Variants in CAPN1 observed in about 807,000 individuals in gnomAD.
CAPN1 encodes calpain 1, also known as calpain-1 catalytic subunit.
Under a neutral mutation model 105.2 loss-of-function variants are expected in CAPN1, and 77 were observed. The ratio of observed to expected loss-of-function variants is 0.73; its 90% CI spans 0.61 to 0.88. The LOEUF (loss-of-function observed/expected upper bound fraction) is 0.88. CAPN1 is among the 40% of genes least tolerant of loss of function. The pLI is 0.00. For synonymous variants in CAPN1, 355 were observed against 388.8 expected (o/e 0.91, Z 1.02); for missense variants, 833 against 976.6 (o/e 0.85, Z 1.96).
chr11:65,185,410 G>A (rs1488465353), intron 4 of CAPN1, among the ~76,000 whole-genome samples: 1 of 151,958 alleles, frequency 6.6e-6, no homozygotes, highest in African/African-American at 2.4e-5. Context: ...GATGGTAATT[G>A]TTTCGTTCAG....
rs625750 is a variant in CAPN1, at chr11:65,210,173, C to G, written c.1942+77C>G. On this transcript the variant is annotated intron_variant, in intron 19 of 21. Transcript: ENST00000279247. The surrounding 1 kb of genome is among the most constrained non-coding windows in gnomAD (Gnocchi z 4.3). ...CTGCTCCTATGCCCCAGGCCCTTGT[C>G]CCTGGGGTGCTAGTGGTGACATGGT... 5.4e-6 allele frequency: 7 copies of G among 1,300,192 alleles called. No individual in the cohort carries two copies. The highest frequency in any genetic ancestry group is 1.5e-5 in the African/African-American group (1 of 68,158). The allele number at this position is 1,300,192 out of a possible 1,614,324, so 80.5% of individuals were successfully genotyped here.
At chr11:65,189,891 G>A (rs760982473) in intron 10 of CAPN1, among the ~76,000 whole-genome samples, 1 of 152,012 alleles carries the variant, frequency 6.6e-6, no homozygotes, top group Non-Finnish European at 1.5e-5. Flanking sequence ...TCTCACCTTC[G>A]GGCCTGGCCT....
At position 65,209,445 on chromosome 11, in the gene CAPN1, T is replaced by C. The variant is rs1452243844; in HGVS notation, c.1794+58T>C. 7 of 1,407,348 alleles carry C rather than the reference T, an allele frequency of 5.0e-6. No homozygotes were observed. The Admixed American group carries it at 1.3e-4, about 26-fold the overall frequency. The allele number at this position is 1,407,348 out of a possible 1,614,324, so 87.2% of individuals were successfully genotyped here. A position where few individuals can be genotyped will look rare whatever the true frequency, so the allele number is the denominator to read the frequency against. ...GGGTTTTGGGTGGAGGTATCGGTGC[T>C]GGGAGAACTGTCCCAGGACAGCACA... On this transcript the variant is annotated intron_variant, in intron 17 of 21. Coordinates refer to ENST00000279247, the MANE Select transcript of CAPN1 (RefSeq NM_005186.4). This position sits in a 1 kb window ranked among gnomAD's most constrained non-coding sequence, Gnocchi z 4.1.
intron 10 of CAPN1, among the ~76,000 whole-genome samples, chr11:65,192,468 A>G (rs1948731480): frequency 6.6e-6 from 1 of 152,096 alleles, no homozygotes; most frequent in Non-Finnish European, 1.5e-5. Context: ...TGTTGCTTGA[A>G]TGGTTGGTAG....
rs113627431 is a variant in CAPN1 at position 65,208,264 on chromosome 11, T to C, written c.1729+2T>C. 1 of 1,560,482 alleles carries C rather than the reference T, an allele frequency of 6.4e-7. No individual in the cohort carries two copies. The stretch of plus-strand genomic sequence containing the variant: ...TCCTCAATAGGATCATCAGCAAACG[T>C]GAGTCCCCGCGGGGCTGTCCCACCA... On this transcript the variant is annotated splice_donor_variant, in intron 16 of 21. Coordinates refer to ENST00000279247, the MANE Select transcript of CAPN1 (RefSeq NM_005186.4). LOFTEE classifies it high-confidence loss of function. This position sits in a 1 kb window ranked among gnomAD's most constrained non-coding sequence, Gnocchi z 4.1.
chr11:65,184,016 C>A (rs1948593724), intron 4 of CAPN1, among the ~76,000 whole-genome samples: 1 of 152,138 alleles, frequency 6.6e-6, no homozygotes, highest in Non-Finnish European at 1.5e-5. Flanking sequence ...CTGAGCCCAG[C>A]AGAAAAGAAA....
intron 10 of CAPN1, among the ~76,000 whole-genome samples, chr11:65,195,335 T>G (rs17883099): frequency 0.014 from 2,107 of 152,076 alleles, 31 homozygotes; most frequent in Non-Finnish European, 0.02. Context: ...GCCGTGTTGG[T>G]CAGGCTGGTC....
intron 10 of CAPN1, among the ~76,000 whole-genome samples, chr11:65,195,100 G>GGTTTTTTTTTTTTTT (rs1565403828): frequency 1.1e-5 from 1 of 90,906 alleles, no homozygotes. Context: ...GTTTTTTGGG[G>GGTTTTTTTTTTTTTT]TTTTTTTTTT....
In CAPN1 at chr11:65,182,685, C is replaced by A. The variant is rs1195940111; in HGVS notation, c.-1-16C>A. The stretch of plus-strand genomic sequence containing the variant: ...TGGGAAGGCCTGGGTTCTGAGCAGG[C>A]CCATCTGTCCGGCAGGATGTCGGAG... On this transcript the variant is annotated splice_polypyrimidine_tract_variant and intron_variant, in intron 1 of 21. Coordinates refer to ENST00000279247, the MANE Select transcript of CAPN1 (RefSeq NM_005186.4). 3 of 1,526,926 alleles carry A rather than the reference C, an allele frequency of 2.0e-6. No homozygotes were observed. The South Asian group carries it at 3.9e-5, about 20-fold the overall frequency. The allele number at this position is 1,526,926 out of a possible 1,614,324, so 94.6% of individuals were successfully genotyped here. A position where few individuals can be genotyped will look rare whatever the true frequency, so the allele number is the denominator to read the frequency against.
intron 6 of CAPN1, 82 bp downstream of exon 6, chr11:65,186,420 G>T (rs1948634874): frequency 1.6e-6 from 2 of 1,282,056 alleles, no homozygotes; most frequent in Non-Finnish European, 2.1e-6. Flanking sequence ...TCCCCACCCA[G>T]GCTCCGCTCC....
chr11:65,208,025 C>T lies in CAPN1; in HGVS notation c.1606-30C>T. The T allele has an allele frequency of 2.6e-6, 4 of 1,559,316 alleles. No individual in the cohort carries two copies. The highest frequency in any genetic ancestry group is 3.5e-6 in the Non-Finnish European group (4 of 1,150,650). On this transcript the variant is annotated intron_variant, in intron 14 of 21. Coordinates refer to ENST00000279247, the MANE Select transcript of CAPN1 (RefSeq NM_005186.4). This position sits in a 1 kb window ranked among gnomAD's most constrained non-coding sequence, Gnocchi z 4.1. ...CCACACGGGCAGGGCCGGGGCCTCT[C>T]TTACCTGCTTTCTCCCCTTCTCGGT... is the stretch of plus-strand genomic sequence containing the variant.
In CAPN1 at chr11:65,210,243, TAGCCCC is replaced by T; in HGVS notation, c.1943-86_1943-81del. The T allele has an allele frequency of 8.7e-7, 1 of 1,146,726 alleles. No homozygotes were observed. The highest frequency in any genetic ancestry group is 1.3e-6 in the Non-Finnish European group (1 of 773,112). The allele number at this position is 1,146,726 out of a possible 1,614,324, so 71.0% of individuals were successfully genotyped here. A position where few individuals can be genotyped will look rare whatever the true frequency, so the allele number is the denominator to read the frequency against. The stretch of plus-strand genomic sequence containing the variant: ...TCCCCACGGTTACTAGCACCCTGCC[TAGCCCC>T]AGCCCCCTCCTGGGGACCCAACCCC... On this transcript the variant is annotated intron_variant, in intron 19 of 21. Transcript: ENST00000279247. The surrounding 1 kb of genome is among the most constrained non-coding windows in gnomAD (Gnocchi z 4.3).
In CAPN1 at chr11:65,204,717, G is replaced by A. The variant is rs1948924847; in HGVS notation, c.1200G>A (p.Arg400=). 1 of 1,612,926 alleles carries A rather than the reference G, an allele frequency of 6.2e-7. No individual in the cohort carries two copies. The highest frequency in any genetic ancestry group is 1.3e-5 in the African/African-American group (1 of 74,946). ...TFWVNPQFKI[R]LDETDDPDDY... The stretch of plus-strand genomic sequence containing the variant: ...GGGTGAACCCTCAGTTCAAGATCCG[G>A]CTGGATGAGACGGATGACCCGGACG... Residue 400 remains arginine, a synonymous_variant, in exon 11 of 22, where the codon CGG becomes CGA. Coordinates refer to ENST00000279247, the MANE Select transcript of CAPN1 (RefSeq NM_005186.4).
chr11:65,182,554 C>G (rs975144746), intron 1 of CAPN1, 147 bp from the exon 2 acceptor site: 30 of 832,940 alleles, frequency 3.6e-5, no homozygotes, highest in African/African-American at 1.4e-4. Context: ...GGCTGAGAAC[C>G]CTACTTCTGT....
At chr11:65,198,937 C>T (rs889344773) in intron 10 of CAPN1, among the ~76,000 whole-genome samples, 1 of 152,186 alleles carries the variant, frequency 6.6e-6, no homozygotes. Context: ...CAAGTTCAAG[C>T]GATTCTTCTT....
intron 10 of CAPN1, among the ~76,000 whole-genome samples, chr11:65,198,031 A>G (rs550964408): frequency 1.1e-4 from 17 of 151,642 alleles, no homozygotes; most frequent in East Asian, 9.7e-4. Flanking sequence ...TCTTCCTGTC[A>G]TGCTGCCTTT....
chr11:65,203,198 C>CTGTT (rs111923742), intron 10 of CAPN1, among the ~76,000 whole-genome samples: 1 of 149,870 alleles, frequency 6.7e-6, no homozygotes, highest in Non-Finnish European at 1.5e-5. Flanking sequence ...AACATTCTCT[C>CTGTT]TTTTTTTTTT....
intron 7 of CAPN1, chr11:65,187,625 AC>A: frequency 2.1e-6 from 1 of 469,160 alleles, no homozygotes; most frequent in Non-Finnish European, 3.9e-6. Flanking sequence ...ACTGGCTCAC[AC>A]CTGTAATCCC....
At position 65,210,218 on chromosome 11, in the gene CAPN1, T is replaced by C. The variant is rs1949024896; in HGVS notation, c.1943-118T>C. ...CATGGTAACAGCCATCTTGTCCTTT[T>C]CCCCACGGTTACTAGCACCCTGCCT... On this transcript the variant is annotated intron_variant, in intron 19 of 21. Coordinates refer to ENST00000279247, the MANE Select transcript of CAPN1 (RefSeq NM_005186.4). The surrounding 1 kb of genome is among the most constrained non-coding windows in gnomAD (Gnocchi z 4.3). The C allele has an allele frequency of 2.7e-6, 3 of 1,131,978 alleles. No individual in the cohort carries two copies. The highest frequency in any genetic ancestry group is 4.0e-6 in the Non-Finnish European group (3 of 757,712). The allele number at this position is 1,131,978 out of a possible 1,614,324, so 70.1% of individuals were successfully genotyped here.
Sources: gnomAD v4.1 joint callset for allele counts (sites outside exome capture counted in the v4.1 genomes callset) on GRCh38, gnomAD v4.1.1 for gene constraint, Gnocchi (gnomAD v3.1) non-coding constraint, MANE v1.5 for transcripts, NCBI Gene and HGNC (gene_info 2026-07-23, HGNC 2026-07-21) for gene names.